Variants in RIC1 observed in about 807,000 individuals in gnomAD.
The protein encoded by RIC1 is guanine nucleotide exchange factor subunit RIC1.
Under a neutral mutation model 169.0 loss-of-function variants are expected in RIC1, and 88 were observed. The ratio of observed to expected loss-of-function variants is 0.52; its 90% confidence interval spans 0.44 to 0.62. The LOEUF (loss-of-function observed/expected upper bound fraction) is 0.62, where lower values mean the gene tolerates loss of function less well. RIC1 is among the 20% of genes least tolerant of loss of function. The probability of loss-of-function intolerance (pLI) is 0.00; values close to 1 mark genes in which losing one functional copy is unlikely to be tolerated. For missense variants in RIC1, 1,877 were observed against 1,725.5 expected (o/e 1.09, Z -1.56); for synonymous variants, 790 against 601.5 (o/e 1.31, Z -4.59).
intron 2 of RIC1, among the ~76,000 whole-genome samples, chr9:5,685,036 T>C (rs913205381): frequency 3.0e-4 from 46 of 152,148 alleles, no homozygotes; most frequent in Non-Finnish European, 6.5e-4. Context: ...GTTTTTTTTT[T>C]ATAAGGTTGA....
rs1023858882 is a variant in RIC1, at chr9:5,642,153, G to A, written c.144+12700G>A. Among the ~76,000 whole-genome samples the A allele has an allele frequency of 4.8e-5, 7 of 145,112 alleles. 2 individuals are homozygous for A. Among genetic ancestry groups the A allele is most frequent in the African/African-American group, 2.0e-4 (7 of 35,646 alleles). ...TTTGCAGACTCAGAGGTACTGCCTT[G>A]GTGGTCTTGGATAAAATCTGGAAGA... On this transcript the variant is annotated intron_variant, in intron 1 of 25. Coordinates refer to ENST00000414202, the MANE Select transcript of RIC1 (RefSeq NM_020829.4).
intron 3 of RIC1, 68 bp from the exon 4 acceptor site, chr9:5,713,828 T>C: frequency 1.1e-6 from 1 of 890,900 alleles, no homozygotes; most frequent in East Asian, 2.5e-5. Context: ...TATTTGATTG[T>C]ATGTGTATTA....
At chr9:5,688,217 T>C (rs1563901465) in intron 2 of RIC1, among the ~76,000 whole-genome samples, 3 of 152,220 alleles carry the variant, frequency 2.0e-5, no homozygotes, top group Non-Finnish European at 4.4e-5. Context: ...TGTCTCATGT[T>C]TGTCTTACTC....
At chr9:5,744,720 G>A (rs949882879) in intron 10 of RIC1, among the ~76,000 whole-genome samples, 2 of 152,126 alleles carry the variant, frequency 1.3e-5, no homozygotes, top group Admixed American at 1.3e-4. Flanking sequence ...TCAAAAAGTT[G>A]CAGCTATTGG....
intron 6 of RIC1, among the ~76,000 whole-genome samples, chr9:5,723,056 C>G (rs1823711119): frequency 6.6e-6 from 1 of 152,200 alleles, no homozygotes; most frequent in Admixed American, 6.5e-5. Context: ...ATTTATAATC[C>G]TTTGGGTATA....
At chr9:5,632,313 G>A (rs1305293054) in intron 1 of RIC1, among the ~76,000 whole-genome samples, 3 of 152,142 alleles carry the variant, frequency 2.0e-5, no homozygotes, top group Non-Finnish European at 2.9e-5. Flanking sequence ...TGTGTACAGT[G>A]ATAATTCATA....
chr9:5,770,356 T>A, intron 23 of RIC1, 78 bp downstream of exon 23: 1 of 1,200,954 alleles, frequency 8.3e-7, no homozygotes, highest in Non-Finnish European at 1.2e-6. Flanking sequence ...GAGATAGACC[T>A]TCATTCTTTT....
At chr9:5,702,071 T>C (rs937013375) in intron 3 of RIC1, among the ~76,000 whole-genome samples, 1 of 152,144 alleles carries the variant, frequency 6.6e-6, no homozygotes, top group African/African-American at 2.4e-5. Context: ...TGAATTAGAG[T>C]TGATTTTTTC....
intron 3 of RIC1, among the ~76,000 whole-genome samples, chr9:5,710,074 CAA>C (rs1822844861): frequency 6.6e-6 from 1 of 151,830 alleles, no homozygotes. Context: ...GCTAAAAATC[CAA>C]AGAGAAAGAT....
chr9:5,698,188 T>C (rs1822015922), intron 3 of RIC1, among the ~76,000 whole-genome samples: 1 of 152,242 alleles, frequency 6.6e-6, no homozygotes, highest in African/African-American at 2.4e-5. Flanking sequence ...CTGTTGAATT[T>C]GTGAATCAGT....
At chr9:5,671,518 C>T (rs1442804814) in intron 2 of RIC1, among the ~76,000 whole-genome samples, 4 of 152,092 alleles carry the variant, frequency 2.6e-5, no homozygotes, top group South Asian at 2.1e-4. Context: ...TCAGGTGACC[C>T]GCCTGCCCCG....
intron 2 of RIC1, among the ~76,000 whole-genome samples, chr9:5,684,274 A>AACCCCC (rs1821064673): frequency 1.3e-4 from 1 of 7,630 alleles, no homozygotes. Context: ...TCTTGGCTCC[A>AACCCCC]CCCCCCCCCC....
In RIC1 at chr9:5,776,241, A is replaced by T. The variant is rs975345589; in HGVS notation, c.*1995A>T. The T allele has an allele frequency of 1.3e-5, 2 of 152,144 alleles. No individual in the cohort carries two copies. Among genetic ancestry groups the T allele is most frequent in the African/African-American group, 4.8e-5 (2 of 41,450 alleles). The allele number at this position is 152,144 out of a possible 1,614,324, so 9.4% of individuals were successfully genotyped here. On this transcript the variant is annotated 3_prime_UTR_variant, in exon 26 of 26. Transcript: ENST00000414202. Reference sequence around the variant, plus strand: ...TAATAGAGATAGGAGGCCCCCAGGCAAGAAGTTTGGCAGGTTTACAGAAAA... The same window carrying T: ...TAATAGAGATAGGAGGCCCCCAGGCTAGAAGTTTGGCAGGTTTACAGAAAA...
intron 3 of RIC1, among the ~76,000 whole-genome samples, chr9:5,695,474 T>C (rs535459777): frequency 6.6e-6 from 1 of 152,310 alleles, no homozygotes; most frequent in African/African-American, 2.4e-5. Context: ...GTCTAGTATA[T>C]TCTACCTTGT....
chr9:5,670,715 A>G (rs958391365), intron 2 of RIC1, among the ~76,000 whole-genome samples: 6 of 152,218 alleles, frequency 3.9e-5, no homozygotes, highest in Admixed American at 3.3e-4. Flanking sequence ...CCTGAATACA[A>G]TTGATTTATC....
intron 7 of RIC1, 33 bp downstream of exon 7, chr9:5,732,512 A>T (rs761817894): frequency 6.9e-7 from 1 of 1,449,306 alleles, no homozygotes; most frequent in African/African-American, 1.5e-5. Flanking sequence ...CATTTTTAAG[A>T]GTTGTTGCAA....
rs912709955 is a variant in RIC1 at position 5,704,585 on chromosome 9, T to C, written c.333-9311T>C. On this transcript the variant is annotated intron_variant, in intron 3 of 25. Coordinates refer to ENST00000414202, the MANE Select transcript of RIC1 (RefSeq NM_020829.4). ...TTTATATATTCTGGATACTACATCCTTTTAAGATACATGATTTTCATATTT... is the reference window on the plus strand; with the variant it reads ...TTTATATATTCTGGATACTACATCCCTTTAAGATACATGATTTTCATATTT... Among the ~76,000 whole-genome samples, 14 of 152,200 alleles carry C rather than the reference T, an allele frequency of 9.2e-5. No individual in the cohort carries two copies. In the South Asian group the frequency reaches 1.2e-3, roughly 13 times the overall value.
Position 5,773,025 on chromosome 9 carries a change from T to C in RIC1, c.3928T>C (p.Leu1310=). 1 of 1,613,730 alleles carries C rather than the reference T, an allele frequency of 6.2e-7. No homozygotes were observed. The highest frequency in any genetic ancestry group is 8.5e-7 in the Non-Finnish European group (1 of 1,179,774). ...TQSSEVDGEM[L]QNIKTGLHAV... ...GTCTTCAGAGGTAGATGGAGAGATG[T>C]TACAGAACATAAAGACAGGGCTCCA... Residue 1310 remains leucine, a synonymous_variant, in exon 25 of 26, where the codon TTA becomes CTA. Coordinates refer to ENST00000414202, the MANE Select transcript of RIC1 (RefSeq NM_020829.4).
At chr9:5,636,355 T>G (rs56023600) in intron 1 of RIC1, among the ~76,000 whole-genome samples, 1 of 152,138 alleles carries the variant, frequency 6.6e-6, no homozygotes, top group Admixed American at 6.5e-5. Context: ...GTCTCGCTCT[T>G]GTCACCGAGG....
Sources: allele counts gnomAD v4.1 joint callset (sites outside exome capture counted in the v4.1 genomes callset), GRCh38; gene constraint gnomAD v4.1.1; transcripts MANE v1.5; gene names NCBI Gene and HGNC (gene_info 2026-07-23, HGNC 2026-07-21).